AASS: variants seen among roughly 807,000 people sequenced by gnomAD.
The protein encoded by AASS is alpha-aminoadipic semialdehyde synthase, mitochondrial.
Under a neutral mutation model 105.4 loss-of-function variants are expected in AASS, and 86 were observed. The observed-to-expected ratio is 0.82, with a 90% CI of 0.69 to 0.98. AASS has a LOEUF of 0.98. Among genes scored for constraint, AASS ranks in the 50% least tolerant of loss-of-function variants. The pLI is 0.00. For synonymous variants in AASS, 381 were observed against 394.8 expected (o/e 0.96, Z 0.41); for missense variants, 1,048 against 1,143.2 (o/e 0.92, Z 1.20).
chr7:122,127,718 A>T (rs1462799774), intron 3 of AASS, among the ~76,000 whole-genome samples: 4 of 152,110 alleles, frequency 2.6e-5, no homozygotes, highest in Non-Finnish European at 4.4e-5. Flanking sequence ...TGAACCCTCC[A>T]ATCCTCTGCC....
At position 122,079,679 on chromosome 7, in the gene AASS, G is replaced by C. The variant is rs531931836; in HGVS notation, c.2314C>G (p.Pro772Ala). Residue 772 changes from proline (P) to alanine (A), a missense_variant, in exon 21 of 24, where the codon CCC becomes GCC. Transcript: ENST00000417368. Reference protein sequence around the residue: ...QLLCDLVGISPSSEHDVLKEA... With the variant: ...QLLCDLVGISASSEHDVLKEA... ...TTCAACACATCATGCTCAGAGGAGGGTGAAATCCCAACTAGGTCACAGAGG... is the reference window on the plus strand; with the variant it reads ...TTCAACACATCATGCTCAGAGGAGGCTGAAATCCCAACTAGGTCACAGAGG... The C allele has an allele frequency of 2.5e-6, 4 of 1,613,806 alleles. No homozygotes were observed. In the East Asian group the frequency reaches 6.7e-5, roughly 27 times the overall value.
intron 3 of AASS, among the ~76,000 whole-genome samples, chr7:122,127,873 G>A (rs541980505): frequency 2.6e-4 from 39 of 152,102 alleles, no homozygotes; most frequent in Non-Finnish European, 3.4e-4. Context: ...AGGAGAAGCC[G>A]CCCTCCTGAG....
chr7:122,097,571 T>G (rs749569541), intron 15 of AASS, among the ~76,000 whole-genome samples: 2 of 152,034 alleles, frequency 1.3e-5, no homozygotes, highest in Non-Finnish European at 2.9e-5. Context: ...CCTTTCTTTG[T>G]GTACATATGT....
At chr7:122,110,198 A>G (rs946983623) in intron 11 of AASS, among the ~76,000 whole-genome samples, 74 of 151,966 alleles carry the variant, frequency 4.9e-4, no homozygotes, top group Non-Finnish European at 1.0e-4. Context: ...CCAAAGTTGA[A>G]CTGATTTTTT....
In AASS at chr7:122,116,801, A is replaced by G. The variant is rs201051386; in HGVS notation, c.767-41T>C. 11 of 1,613,284 alleles carry G rather than the reference A, an allele frequency of 6.8e-6. No homozygotes were observed. The African/African-American group carries it at 8.0e-5, about 12-fold the overall frequency. On this transcript the variant is annotated intron_variant, in intron 7 of 23. Coordinates refer to ENST00000417368, the MANE Select transcript of AASS (RefSeq NM_005763.4). The stretch of plus-strand genomic sequence containing the variant: ...GAAATTAGTAAAGTGGGTGACAAAT[A>G]ATAAAAATTTATGGTGATAAAATAT...
At chr7:122,130,630 T>C (rs1314217089) in intron 2 of AASS, among the ~76,000 whole-genome samples, 3 of 151,876 alleles carry the variant, frequency 2.0e-5, no homozygotes, top group Non-Finnish European at 4.4e-5. Context: ...GACAGACATA[T>C]CTGATTTTTA....
chr7:122,086,702 C>T (rs922280278), intron 18 of AASS, among the ~76,000 whole-genome samples: 3 of 152,028 alleles, frequency 2.0e-5, no homozygotes, highest in African/African-American at 7.2e-5. Context: ...TATTCTCATT[C>T]TTTTCTTTTA....
chr7:122,118,474 C>T (rs1795292218), intron 5 of AASS, 21 bp from the exon 6 acceptor site: 3 of 1,614,136 alleles, frequency 1.9e-6, no homozygotes, highest in Non-Finnish European at 8.5e-7. Context: ...ACATACACAA[C>T]TCAAGTTAGT....
intron 4 of AASS, among the ~76,000 whole-genome samples, chr7:122,120,710 T>C (rs1795400789): frequency 6.6e-6 from 1 of 152,062 alleles, no homozygotes; most frequent in Non-Finnish European, 1.5e-5. Context: ...TTCTTTCTAA[T>C]TGCTACTTTA....
At chr7:122,134,680 G>A (rs1796065270) in intron 1 of AASS, among the ~76,000 whole-genome samples, 1 of 152,130 alleles carries the variant, frequency 6.6e-6, no homozygotes, top group African/African-American at 2.4e-5. Context: ...CAATCAACCT[G>A]TGTAAACTAG....
At chr7:122,108,848 T>G (rs545726350) in intron 11 of AASS, among the ~76,000 whole-genome samples, 1 of 151,974 alleles carries the variant, frequency 6.6e-6, no homozygotes, top group South Asian at 2.1e-4. Context: ...GGTACCCAAA[T>G]TGGAAAGCAG....
chr7:122,133,022 T>A (rs745315672), intron 2 of AASS, among the ~76,000 whole-genome samples: 3 of 152,200 alleles, frequency 2.0e-5, no homozygotes, highest in Non-Finnish European at 4.4e-5. Flanking sequence ...GTAGAAAACA[T>A]GGCTTATTCT....
intron 4 of AASS, among the ~76,000 whole-genome samples, chr7:122,125,717 T>A (rs923439461): frequency 7.2e-5 from 11 of 152,230 alleles, no homozygotes; most frequent in South Asian, 2.1e-4. Context: ...TAATGCTTGC[T>A]TGGACCAGTA....
In AASS at chr7:122,073,603, T is replaced by C. The variant is rs1422974618; in HGVS notation, c.*2886A>G. On this transcript the variant is annotated 3_prime_UTR_variant, in exon 24 of 24. Transcript: ENST00000417368. The stretch of plus-strand genomic sequence containing the variant: ...AGATAAAATCTACATACCACACAGT[T>C]CAAACATTCAAAGTATACAATTCAG... Among the ~76,000 whole-genome samples the C allele has an allele frequency of 6.6e-6, 1 of 152,168 alleles. No homozygotes were observed. Among genetic ancestry groups the C allele is most frequent in the East Asian group, 1.9e-4 (1 of 5,200 alleles).
At chr7:122,110,376 A>T (rs1794874764) in intron 11 of AASS, among the ~76,000 whole-genome samples, 1 of 151,934 alleles carries the variant, frequency 6.6e-6, no homozygotes, top group African/African-American at 2.4e-5. Flanking sequence ...CTTAGATGAA[A>T]TATAAATTCC....
intron 4 of AASS, among the ~76,000 whole-genome samples, chr7:122,123,763 T>A (rs1417415768): frequency 1.3e-5 from 2 of 152,202 alleles, no homozygotes; most frequent in Non-Finnish European, 2.9e-5. Flanking sequence ...CATTCCACCA[T>A]CCCTAGACTT....
intron 10 of AASS, 125 bp from the exon 11 acceptor site, chr7:122,113,354 G>A (rs562246279): frequency 9.9e-5 from 104 of 1,045,804 alleles, no homozygotes; most frequent in East Asian, 7.8e-4. Context: ...AAGTATACGC[G>A]AAAATAAACA....
Position 122,135,308 on chromosome 7 carries a change from C to T in AASS, c.-15-1567G>A, listed in dbSNP as rs138107804. Among the ~76,000 whole-genome samples, 354 of 151,336 alleles carry T rather than the reference C, an allele frequency of 2.3e-3. 5 individuals carry two copies. The highest frequency in any genetic ancestry group is 6.8e-3 in the Middle Eastern group (2 of 292). ...AAGAAAACCAATCGACCAAACAAAC[C>T]TATTCTTTAACCAGAGGTGTTAGAA... On this transcript the variant is annotated intron_variant, in intron 1 of 23. Coordinates refer to ENST00000417368, the MANE Select transcript of AASS (RefSeq NM_005763.4).
chr7:122,103,354 C>A (rs1340619381), intron 11 of AASS, among the ~76,000 whole-genome samples: 2 of 151,984 alleles, frequency 1.3e-5, no homozygotes, highest in Non-Finnish European at 1.5e-5. Context: ...AAATACTATA[C>A]ACAGCAAAGC....
Sources: gnomAD v4.1 joint callset for allele counts (sites outside exome capture counted in the v4.1 genomes callset) on GRCh38, gnomAD v4.1.1 for gene constraint, MANE v1.5 for transcripts, NCBI Gene and HGNC (gene_info 2026-07-23, HGNC 2026-07-21) for gene names.